The following FARS2 variants were observed in gnomAD, a reference collection of about 807,000 sequenced individuals.
FARS2 encodes the protein phenylalanyl-tRNA synthetase 2, mitochondrial.
In FARS2, 40 loss-of-function variants were observed where a neutral mutation model predicts 46.4. The ratio of observed to expected loss-of-function variants is 0.86; its 90% CI spans 0.67 to 1.12. The LOEUF (loss-of-function observed/expected upper bound fraction) is 1.12, where lower values mean the gene tolerates loss of function less well. Ranked by LOEUF, FARS2 falls within the 50% of genes most tolerant of loss-of-function variation. The probability of loss-of-function intolerance (pLI) is 0.00; values close to 1 mark genes in which losing one functional copy is unlikely to be tolerated. For missense variants in FARS2, 513 were observed against 567.9 expected (o/e 0.90, Z 0.98); for synonymous variants, 234 against 214.9 (o/e 1.09, Z -0.78).
chr6:5,415,999 G>A (rs571879880), intron 3 of FARS2, among the ~76,000 whole-genome samples: 51 of 152,248 alleles, frequency 3.3e-4, no homozygotes, highest in Non-Finnish European at 5.4e-4. Context: ...GAGCTATTGC[G>A]CCTGGCCCTA....
At chr6:5,382,999 A>G (rs1759885419) in intron 2 of FARS2, among the ~76,000 whole-genome samples, 2 of 152,222 alleles carry the variant, frequency 1.3e-5, no homozygotes, top group African/African-American at 2.4e-5. Context: ...GGATGGCCAC[A>G]TGCTTTACTC....
intron 4 of FARS2, among the ~76,000 whole-genome samples, chr6:5,436,912 A>G (rs574931536): frequency 1.1e-4 from 17 of 152,220 alleles, no homozygotes; most frequent in Non-Finnish European, 2.4e-4. Context: ...TTTTTGGGAT[A>G]TAATTGAAGT....
chr6:5,498,617 T>G (rs1182768516), intron 4 of FARS2, among the ~76,000 whole-genome samples: 1 of 152,220 alleles, frequency 6.6e-6, no homozygotes, highest in South Asian at 2.1e-4. Context: ...CATGTATTTT[T>G]TTTTTGTTTT....
At chr6:5,526,122 C>A (rs1769450425) in intron 4 of FARS2, among the ~76,000 whole-genome samples, 1 of 152,162 alleles carries the variant, frequency 6.6e-6, no homozygotes, top group African/African-American at 2.4e-5. Flanking sequence ...AGCTGAAGCA[C>A]AAAAGTTAGA....
chr6:5,501,306 T>G (rs867019514), intron 4 of FARS2, among the ~76,000 whole-genome samples: 4 of 152,134 alleles, frequency 2.6e-5, no homozygotes, highest in African/African-American at 7.2e-5. Flanking sequence ...ATATTGCCTG[T>G]AAAGCTCTTG....
At chr6:5,487,192 C>T (rs1215810174) in intron 4 of FARS2, among the ~76,000 whole-genome samples, 1 of 152,122 alleles carries the variant, frequency 6.6e-6, no homozygotes, top group Non-Finnish European at 1.5e-5. Context: ...GTGCTGTTTC[C>T]CTGGACCTCC....
intron 2 of FARS2, among the ~76,000 whole-genome samples, chr6:5,382,118 A>T (rs997321870): frequency 6.6e-6 from 1 of 152,220 alleles, no homozygotes. Context: ...GCGTGTGTGT[A>T]TTCTTTAAGG....
intron 2 of FARS2, among the ~76,000 whole-genome samples, chr6:5,370,341 C>A (rs143638307): frequency 6.6e-6 from 1 of 151,868 alleles, no homozygotes; most frequent in South Asian, 2.1e-4. Context: ...AAAGGCCATC[C>A]GTGCTGGATC....
intron 1 of FARS2, among the ~76,000 whole-genome samples, chr6:5,279,885 T>G: frequency 6.6e-6 from 1 of 152,176 alleles, no homozygotes; most frequent in Non-Finnish European, 1.5e-5. Context: ...GTCTGCTGAT[T>G]CAAGTGTTAA....
chr6:5,342,775 G>C (rs1022089054), intron 1 of FARS2, among the ~76,000 whole-genome samples: 1 of 150,564 alleles, frequency 6.6e-6, no homozygotes, highest in East Asian at 1.9e-4. Flanking sequence ...AAAAGAAAAA[G>C]AATATAAGCT....
intron 6 of FARS2, among the ~76,000 whole-genome samples, chr6:5,744,258 C>T (rs1346254823): frequency 6.6e-6 from 1 of 152,172 alleles, no homozygotes; most frequent in Non-Finnish European, 1.5e-5. Context: ...GAGACCAAGC[C>T]AGAACCACTG....
chr6:5,479,726 G>A (rs1011914752), intron 4 of FARS2, among the ~76,000 whole-genome samples: 11 of 152,090 alleles, frequency 7.2e-5, no homozygotes, highest in East Asian at 1.9e-4. Flanking sequence ...ATTCCACAGC[G>A]ATTTAAAAAA....
chr6:5,333,815 C>A (rs769741832), intron 1 of FARS2, among the ~76,000 whole-genome samples: 12 of 152,156 alleles, frequency 7.9e-5, no homozygotes, highest in Non-Finnish European at 1.5e-4. Flanking sequence ...TGAGCTCTGC[C>A]GTTGTGCACT....
In FARS2 at chr6:5,748,638, A is replaced by G. The variant is rs554937947; in HGVS notation, c.1218-22653A>G. Among the ~76,000 whole-genome samples the G allele has an allele frequency of 1.3e-4, 20 of 152,368 alleles. No homozygotes were observed. In the South Asian group the frequency reaches 3.9e-3, roughly 30 times the overall value. ...TGTCCTAATGGCATGGCTGGGGCCGAGAGAGGCTGAGTAACTCGTTCAAAG... is the reference window on the plus strand; with the variant it reads ...TGTCCTAATGGCATGGCTGGGGCCGGGAGAGGCTGAGTAACTCGTTCAAAG... On this transcript the variant is annotated intron_variant, in intron 6 of 6. Transcript: ENST00000274680.
At chr6:5,392,029 G>T (rs752075318) in intron 2 of FARS2, among the ~76,000 whole-genome samples, 1 of 152,072 alleles carries the variant, frequency 6.6e-6, no homozygotes, top group Non-Finnish European at 1.5e-5. Context: ...CAAACTGTTG[G>T]GTGCGATTAA....
At chr6:5,687,338 C>T (rs1436149880) in intron 6 of FARS2, among the ~76,000 whole-genome samples, 1 of 152,186 alleles carries the variant, frequency 6.6e-6, no homozygotes, top group East Asian at 1.9e-4. Flanking sequence ...TTAGGTCTAA[C>T]ATTTAAGTCT....
chr6:5,467,228 G>A, intron 4 of FARS2: 1 of 367,312 alleles, frequency 2.7e-6, no homozygotes, highest in Non-Finnish European at 3.8e-6. Context: ...TTTATTTATT[G>A]CCACAGGTGG....
At chr6:5,752,272 G>C (rs564899096) in intron 6 of FARS2, among the ~76,000 whole-genome samples, 3 of 152,294 alleles carry the variant, frequency 2.0e-5, no homozygotes, top group African/African-American at 4.8e-5. Flanking sequence ...GGTGGATGTT[G>C]TCTAATTGCG....
intron 5 of FARS2, among the ~76,000 whole-genome samples, chr6:5,611,210 C>A (rs966157653): frequency 6.6e-6 from 1 of 152,086 alleles, no homozygotes; most frequent in Non-Finnish European, 1.5e-5. Context: ...TTGATGGAGT[C>A]TGTGAGGATA....
Sources: allele counts gnomAD v4.1 joint callset (sites outside exome capture counted in the v4.1 genomes callset), GRCh38; gene constraint gnomAD v4.1.1; transcripts MANE v1.5; gene names NCBI Gene and HGNC (gene_info 2026-07-23, HGNC 2026-07-21).